The following FHIP1A variants were observed in gnomAD, a reference collection of about 807,000 sequenced individuals.
FHIP1A encodes FHF complex subunit HOOK interacting protein 1A.
A neutral mutation model predicts 88.6 loss-of-function variants in FHIP1A; 61 were observed. That is an observed-to-expected ratio of 0.69 (90% CI 0.56 to 0.85). FHIP1A has a LOEUF of 0.85. Ranked by LOEUF, FHIP1A falls within the 40% of genes least tolerant of loss-of-function variation. The pLI is 0.00. For synonymous variants in FHIP1A, 478 were observed against 496.0 expected (o/e 0.96, Z 0.48); for missense variants, 1,154 against 1,273.5 (o/e 0.91, Z 1.43).
At position 151,561,995 on chromosome 4, in the gene FHIP1A, A is replaced by G. The variant is rs551879307; in HGVS notation, c.-122-4143A>G. Among the ~76,000 whole-genome samples, 9 of 152,324 alleles carry G rather than the reference A, an allele frequency of 5.9e-5. No homozygotes were observed. The South Asian group carries it at 6.2e-4, about 11-fold the overall frequency. On this transcript the variant is annotated intron_variant, in intron 3 of 13. Coordinates refer to ENST00000435205, the MANE Select transcript of FHIP1A (RefSeq NM_001109977.3). The stretch of plus-strand genomic sequence containing the variant: ...GACTCAAGCTGTAAGAGACCTAAGA[A>G]ATCCTACTTTAGTTGTAACTGCTTA...
At chr4:151,418,143 G>A (rs543370156) in intron 1 of FHIP1A, among the ~76,000 whole-genome samples, 71 of 128,602 alleles carry the variant, frequency 5.5e-4, no homozygotes, top group African/African-American at 2.0e-3. Flanking sequence ...CTGCATTCCA[G>A]CCTTGGTGAC....
intron 3 of FHIP1A, among the ~76,000 whole-genome samples, chr4:151,538,937 G>A (rs981982531): frequency 6.6e-6 from 1 of 152,204 alleles, no homozygotes; most frequent in Non-Finnish European, 1.5e-5. Flanking sequence ...AGGTGAGGTT[G>A]GGAGGGAGAA....
intron 4 of FHIP1A, among the ~76,000 whole-genome samples, chr4:151,568,563 G>A (rs1029476511): frequency 6.6e-6 from 1 of 152,168 alleles, no homozygotes; most frequent in Non-Finnish European, 1.5e-5. Context: ...GAGATTTACT[G>A]AGCACACACT....
intron 1 of FHIP1A, among the ~76,000 whole-genome samples, chr4:151,416,915 C>G (rs1445089536): frequency 1.3e-5 from 2 of 152,094 alleles, no homozygotes; most frequent in Non-Finnish European, 2.9e-5. Context: ...TCCTGAGTAT[C>G]TGGGACTACA....
intron 3 of FHIP1A, among the ~76,000 whole-genome samples, chr4:151,551,808 G>A (rs2126745713): frequency 6.6e-6 from 1 of 152,208 alleles, no homozygotes; most frequent in Middle Eastern, 3.4e-3. Flanking sequence ...CAAAAGCAAT[G>A]GCAACAAAAG....
At chr4:151,547,132 G>A (rs1191833336) in intron 3 of FHIP1A, among the ~76,000 whole-genome samples, 1 of 152,176 alleles carries the variant, frequency 6.6e-6, no homozygotes, top group Non-Finnish European at 1.5e-5. Context: ...TTGATTTGCT[G>A]TATCTTGTCC....
At chr4:151,448,899 C>T (rs1026701345) in intron 1 of FHIP1A, among the ~76,000 whole-genome samples, 4 of 152,170 alleles carry the variant, frequency 2.6e-5, no homozygotes, top group African/African-American at 9.7e-5. Context: ...TCCTTACCGG[C>T]TGTACTATTT....
intron 1 of FHIP1A, among the ~76,000 whole-genome samples, chr4:151,418,824 A>G (rs1405030764): frequency 6.6e-6 from 1 of 152,216 alleles, no homozygotes; most frequent in Non-Finnish European, 1.5e-5. Flanking sequence ...TATATTGAAT[A>G]GAATCCTATA....
In FHIP1A at chr4:151,633,242, C is replaced by G. The variant is rs555757122; in HGVS notation, c.1146+3373C>G. Among the ~76,000 whole-genome samples, 30 of 151,896 alleles carry G rather than the reference C, an allele frequency of 2.0e-4. 1 individual carries two copies. Among genetic ancestry groups the G allele is most frequent in the African/African-American group, 6.7e-4 (28 of 41,500 alleles). On this transcript the variant is annotated intron_variant, in intron 8 of 13. Transcript: ENST00000435205. Reference sequence around the variant, plus strand: ...ACATTCTTAGAAACATATAGCCTATCAAGGCTGAATCATGAAGAAATAAAA... The same window carrying G: ...ACATTCTTAGAAACATATAGCCTATGAAGGCTGAATCATGAAGAAATAAAA...
intron 13 of FHIP1A, among the ~76,000 whole-genome samples, chr4:151,657,309 T>G (rs934382332): frequency 2.0e-5 from 3 of 152,134 alleles, no homozygotes; most frequent in African/African-American, 7.2e-5. Flanking sequence ...TTTCAGAGGC[T>G]CTTGGGCCAA....
intron 1 of FHIP1A, among the ~76,000 whole-genome samples, chr4:151,445,856 A>G (rs1728580713): frequency 7.5e-6 from 1 of 132,650 alleles, no homozygotes; most frequent in Admixed American, 7.3e-5. Flanking sequence ...TAAAATATAT[A>G]TATATATATA....
rs962054593 is a variant in FHIP1A, at chr4:151,667,027, GCTGT to G, written c.*4279_*4282del. 2.2e-4 allele frequency among the ~76,000 whole-genome samples: 34 copies of G among 152,146 alleles called. No homozygotes were observed. Among genetic ancestry groups the G allele is most frequent in the African/African-American group, 7.2e-4 (30 of 41,426 alleles). ...TACCAGCCCTGTATTTACTGAAATG[GCTGT>G]CTGTCATGCTTGCCATTTTTATGAA... On this transcript the variant is annotated 3_prime_UTR_variant, in exon 14 of 14. Coordinates refer to ENST00000435205, the MANE Select transcript of FHIP1A (RefSeq NM_001109977.3).
intron 8 of FHIP1A, among the ~76,000 whole-genome samples, chr4:151,632,989 T>C (rs1736213399): frequency 6.6e-6 from 1 of 151,724 alleles, no homozygotes; most frequent in South Asian, 2.1e-4. Context: ...CAAAAATCAA[T>C]GAAATAAAGA....
chr4:151,567,896 G>A (rs1171568037), intron 4 of FHIP1A, among the ~76,000 whole-genome samples: 2 of 152,122 alleles, frequency 1.3e-5, no homozygotes, highest in South Asian at 2.1e-4. Flanking sequence ...ATCTTACTAC[G>A]TAATCTTCGC....
intron 3 of FHIP1A, among the ~76,000 whole-genome samples, chr4:151,563,965 T>TG (rs111227486): frequency 0.32 from 48,429 of 151,970 alleles, 7,743 homozygotes; most frequent in Non-Finnish European, 0.33. Flanking sequence ...CACTCCAGCC[T>TG]GGTGACGGAT....
At chr4:151,525,811 A>C (rs994889964) in intron 3 of FHIP1A, among the ~76,000 whole-genome samples, 1 of 117,114 alleles carries the variant, frequency 8.5e-6, no homozygotes, top group African/African-American at 3.4e-5. Context: ...GCAGAGGGGG[A>C]TTTGGCAGGG....
Position 151,543,980 on chromosome 4 carries a change from C to T in FHIP1A, c.-122-22158C>T, listed in dbSNP as rs544603630. Among the ~76,000 whole-genome samples, 5 of 152,268 alleles carry T rather than the reference C, an allele frequency of 3.3e-5. No homozygotes were observed. In the South Asian group the frequency reaches 1.0e-3, roughly 32 times the overall value. On this transcript the variant is annotated intron_variant, in intron 3 of 13. Transcript: ENST00000435205. ...ATTGATTGTGAAAATTTTGATGCAT[C>T]TTTGCTAACGTGATAGATGATCTAG...
At chr4:151,430,732 A>C (rs1048466378) in intron 1 of FHIP1A, among the ~76,000 whole-genome samples, 1 of 152,222 alleles carries the variant, frequency 6.6e-6, no homozygotes, top group Non-Finnish European at 1.5e-5. Flanking sequence ...AGCTCCATTC[A>C]GCTGACCCTC....
At chr4:151,515,198 A>G (rs372386225) in intron 3 of FHIP1A, among the ~76,000 whole-genome samples, 2 of 152,046 alleles carry the variant, frequency 1.3e-5, no homozygotes, top group Admixed American at 6.6e-5. Flanking sequence ...AACCAAAGAC[A>G]AAAACCACAT....
Sources: allele counts gnomAD v4.1 joint callset (sites outside exome capture counted in the v4.1 genomes callset), GRCh38; gene constraint gnomAD v4.1.1; transcripts MANE v1.5; gene names NCBI Gene and HGNC (gene_info 2026-07-23, HGNC 2026-07-21).